The following RAB40C variants were observed in gnomAD, a reference collection of about 807,000 sequenced individuals.
RAB40C encodes the protein RAB40C, member RAS oncogene family, also known as ras-related protein Rab-40C.
In RAB40C, 8 loss-of-function variants were observed where a neutral mutation model predicts 28.1. The ratio of observed to expected loss-of-function variants is 0.28; its 90% CI spans 0.17 to 0.51. The LOEUF (loss-of-function observed/expected upper bound fraction) is 0.51, where lower values mean the gene tolerates loss of function less well. Ranked by LOEUF, RAB40C falls within the 20% of genes least tolerant of loss-of-function variation. The pLI, the probability that RAB40C is intolerant of heterozygous loss-of-function variation, is 0.97. For missense variants in RAB40C, 288 were observed against 405.9 expected (o/e 0.71, Z 2.50); for synonymous variants, 201 against 171.7 (o/e 1.17, Z -1.34).
chr16:611,645 G>T (rs1379107224), intron 1 of RAB40C, among the ~76,000 whole-genome samples: 1 of 147,310 alleles, frequency 6.8e-6, no homozygotes, highest in African/African-American at 2.5e-5. Context: ...AGCCGCCCTG[G>T]CCTGTAGAAT....
chr16:626,636 CCTT>C (rs894770593), intron 5 of RAB40C, among the ~76,000 whole-genome samples: 4 of 152,144 alleles, frequency 2.6e-5, no homozygotes, highest in African/African-American at 7.2e-5. Context: ...GTGTCACTGT[CCTT>C]CTTAAGAGGA....
In RAB40C at chr16:622,548, G is replaced by GC. The variant is rs774511525; in HGVS notation, c.265-2882dup. On this transcript the variant is annotated intron_variant, in intron 3 of 5. Transcript: ENST00000248139. The stretch of plus-strand genomic sequence containing the variant: ...TTTTGAGACACGGTCTGGCTCTGTC[G>GC]CCAGGCTGGAGTGCCGTGGCGCGAT... Among the ~76,000 whole-genome samples, 59 of 152,286 alleles carry GC rather than the reference G, an allele frequency of 3.9e-4. 1 individual carries two copies. Among genetic ancestry groups the GC allele is most frequent in the Admixed American group, 1.2e-3 (19 of 15,304 alleles).
intron 1 of RAB40C, among the ~76,000 whole-genome samples, chr16:614,828 G>A (rs1224496822): frequency 7.9e-5 from 11 of 139,722 alleles, no homozygotes; most frequent in Non-Finnish European, 1.5e-4. Context: ...ACTCTACCTC[G>A]TCCCAGTGGT....
At chr16:598,561 CAAAAAAA>C (rs938034632) in intron 1 of RAB40C, among the ~76,000 whole-genome samples, 599 of 54,950 alleles carry the variant, frequency 0.011, 10 homozygotes, top group Non-Finnish European at 8.9e-3. Context: ...CTCTGTCTCA[CAAAAAAA>C]AAAAAAAAAA....
chr16:619,468 G>A (rs2036665843), intron 3 of RAB40C, among the ~76,000 whole-genome samples: 1 of 152,220 alleles, frequency 6.6e-6, no homozygotes, highest in Non-Finnish European at 1.5e-5. Context: ...TGTGCTGACT[G>A]GATCTGCTGG....
chr16:607,520 G>GAAA (rs2036386075), intron 1 of RAB40C, among the ~76,000 whole-genome samples: 3 of 149,832 alleles, frequency 2.0e-5, no homozygotes, highest in East Asian at 2.0e-4. Context: ...AAAAAAACGG[G>GAAA]GGGCCGGGCG....
intron 3 of RAB40C, chr16:623,778 C>A (rs748377538): frequency 1.1e-5 from 2 of 186,872 alleles, no homozygotes; most frequent in Non-Finnish European, 2.0e-5. Flanking sequence ...AAGATCCCAT[C>A]TCTAAAAAAT....
intron 5 of RAB40C, among the ~76,000 whole-genome samples, chr16:627,012 G>A (rs1220573933): frequency 6.6e-6 from 1 of 152,232 alleles, no homozygotes; most frequent in African/African-American, 2.4e-5. Context: ...TAGGGGATGA[G>A]TCAGGACGCT....
intron 1 of RAB40C, chr16:596,365 C>G (rs1288529079): frequency 2.2e-6 from 1 of 455,966 alleles, no homozygotes; most frequent in South Asian, 1.5e-5. Flanking sequence ...AAGCTGCCGC[C>G]TACCCTGGTC....
intron 1 of RAB40C, among the ~76,000 whole-genome samples, chr16:595,578 T>C (rs1306047673): frequency 2.0e-5 from 3 of 151,900 alleles, no homozygotes; most frequent in African/African-American, 7.3e-5. Flanking sequence ...GTAGGACTTC[T>C]GTGGGTCATT....
intron 2 of RAB40C, 108 bp downstream of exon 2, chr16:617,376 A>C: frequency 7.5e-7 from 1 of 1,329,968 alleles, no homozygotes; most frequent in Non-Finnish European, 1.1e-6. Flanking sequence ...TTTCACTTGG[A>C]AGAGCCACTT....
At chr16:599,059 G>T (rs1167194958) in intron 1 of RAB40C, among the ~76,000 whole-genome samples, 1 of 152,242 alleles carries the variant, frequency 6.6e-6, no homozygotes, top group Non-Finnish European at 1.5e-5. Context: ...TAGCTGGGAG[G>T]GGCGGTAATA....
Position 628,372 on chromosome 16 carries a change from C to G in RAB40C, c.*750C>G, listed in dbSNP as rs535275987. The G allele has an allele frequency of 6.6e-6, 1 of 152,422 alleles. No homozygotes were observed. Among genetic ancestry groups the G allele is most frequent in the East Asian group, 1.9e-4 (1 of 5,188 alleles). 9.4% of individuals were successfully genotyped at this position (152,422 alleles called of 1,614,324 possible). A position where few individuals can be genotyped will look rare whatever the true frequency, so the allele number is the denominator to read the frequency against. ...ATTGACCACTCAAAACTCAGATCAT[C>G]TCGCCCACCCTGGAGAGTGCAGAGC... is the stretch of plus-strand genomic sequence containing the variant. On this transcript the variant is annotated 3_prime_UTR_variant, in exon 6 of 6. Coordinates refer to ENST00000248139, the MANE Select transcript of RAB40C (RefSeq NM_021168.5).
rs559946670 is a variant in RAB40C at position 618,069 on chromosome 16, C to T, written c.204-131C>T. 2,234 of 786,576 alleles carry T rather than the reference C, an allele frequency of 2.8e-3. 65 individuals are homozygous for T. In the South Asian group the frequency reaches 0.035, roughly 12 times the overall value. 48.7% of individuals were successfully genotyped at this position (786,576 alleles called of 1,614,324 possible). ...CCTGTGCAGACAAAGCCGCTTAGCA[C>T]AGCCTCATTGGCACCTGTCCTGGCC... is the stretch of plus-strand genomic sequence containing the variant. On this transcript the variant is annotated intron_variant, in intron 2 of 5. Transcript: ENST00000248139.
rs1470487441 is a variant in RAB40C, at chr16:628,364, C to A, written c.*742C>A. On this transcript the variant is annotated 3_prime_UTR_variant, in exon 6 of 6. Coordinates refer to ENST00000248139, the MANE Select transcript of RAB40C (RefSeq NM_021168.5). ...TCGGGGACATTGACCACTCAAAACT[C>A]AGATCATCTCGCCCACCCTGGAGAG... is the stretch of plus-strand genomic sequence containing the variant. 6.6e-6 allele frequency: 1 copy of A among 152,304 alleles called. No individual in the cohort carries two copies. Among genetic ancestry groups the A allele is most frequent in the African/African-American group, 2.4e-5 (1 of 41,460 alleles). The allele number at this position is 152,304 out of a possible 1,614,324, so 9.4% of individuals were successfully genotyped here.
intron 5 of RAB40C, among the ~76,000 whole-genome samples, chr16:626,783 C>T (rs1006953608): frequency 6.6e-5 from 10 of 152,174 alleles, no homozygotes; most frequent in Admixed American, 3.9e-4. Flanking sequence ...ACTAAAAATA[C>T]AAAAATTAAC....
chr16:607,175 C>T (rs1005729272), intron 1 of RAB40C, among the ~76,000 whole-genome samples: 11 of 152,226 alleles, frequency 7.2e-5, no homozygotes, highest in East Asian at 3.9e-4. Flanking sequence ...CGTCCACTCC[C>T]CAGACCACCA....
At chr16:625,000 G>C (rs1345178249) in intron 3 of RAB40C, 3 of 1,289,828 alleles carry the variant, frequency 2.3e-6, no homozygotes, top group Non-Finnish European at 3.0e-6. Context: ...TGCTCTGCAA[G>C]TTTTAGGTTG....
chr16:603,832 ACAT>A (rs1241065393), intron 1 of RAB40C, among the ~76,000 whole-genome samples: 1 of 152,128 alleles, frequency 6.6e-6, no homozygotes, highest in Non-Finnish European at 1.5e-5. Context: ...CCTGTTCCAG[ACAT>A]CATGGATACG....
Sources: gnomAD v4.1 joint callset for allele counts (sites outside exome capture counted in the v4.1 genomes callset) on GRCh38, gnomAD v4.1.1 for gene constraint, MANE v1.5 for transcripts, NCBI Gene and HGNC (gene_info 2026-07-23, HGNC 2026-07-21) for gene names.